Variants in LRMDA observed in about 807,000 individuals in gnomAD.
LRMDA encodes leucine-rich melanocyte differentiation-associated protein.
A neutral mutation model predicts 29.8 loss-of-function variants in LRMDA; 18 were observed. The observed-to-expected ratio is 0.60, with a 90% confidence interval of 0.42 to 0.90. The LOEUF is 0.90. Ranked by LOEUF, LRMDA falls within the 40% of genes least tolerant of loss-of-function variation. The pLI is 0.00. For missense variants in LRMDA, 273 were observed against 273.9 expected (o/e 1.00, Z 0.02); for synonymous variants, 125 against 109.4 (o/e 1.14, Z -0.89).
At chr10:75,830,175 G>A (rs1012662008) in intron 2 of LRMDA, among the ~76,000 whole-genome samples, 1 of 152,150 alleles carries the variant, frequency 6.6e-6, no homozygotes, top group Non-Finnish European at 1.5e-5. Context: ...TTGAGGGGCT[G>A]TTGTGAGCAA....
intron 2 of LRMDA, among the ~76,000 whole-genome samples, chr10:75,662,098 A>C (rs1387473586): frequency 6.6e-6 from 1 of 151,638 alleles, no homozygotes; most frequent in Non-Finnish European, 1.5e-5. Context: ...TTTAAAGGGG[A>C]GGAATTTAGC....
At chr10:76,206,780 G>A (rs1469152112) in intron 5 of LRMDA, among the ~76,000 whole-genome samples, 4 of 152,146 alleles carry the variant, frequency 2.6e-5, no homozygotes, top group African/African-American at 4.8e-5. Flanking sequence ...GCATACCTCC[G>A]ATTGCCCCAG....
rs186985644 is a variant in LRMDA at position 75,753,533 on chromosome 10, A to G, written c.132-282475A>G. On this transcript the variant is annotated intron_variant, in intron 2 of 6. Transcript: ENST00000611255. ...TGTGGGTGGAGGGGACAGCATGTGC[A>G]AAGGCCCCAGGCAAGTGCAAGGAGG... Among the ~76,000 whole-genome samples, 5 of 152,260 alleles carry G rather than the reference A, an allele frequency of 3.3e-5. No homozygotes were observed. In the East Asian group the frequency reaches 7.7e-4, roughly 24 times the overall value.
intron 2 of LRMDA, among the ~76,000 whole-genome samples, chr10:76,019,982 T>C (rs1847943397): frequency 6.6e-6 from 1 of 152,214 alleles, no homozygotes; most frequent in Non-Finnish European, 1.5e-5. Flanking sequence ...CAGTCTGATG[T>C]GGTCACTCCC....
intron 5 of LRMDA, among the ~76,000 whole-genome samples, chr10:76,097,380 A>G (rs532573482): frequency 6.6e-6 from 1 of 152,282 alleles, no homozygotes; most frequent in East Asian, 1.9e-4. Context: ...AATTATTTTT[A>G]TTGCCTTATT....
At chr10:76,003,016 A>G (rs1047727707) in intron 2 of LRMDA, among the ~76,000 whole-genome samples, 1 of 152,206 alleles carries the variant, frequency 6.6e-6, no homozygotes, top group Non-Finnish European at 1.5e-5. Context: ...GGAAATGATG[A>G]GTTTTATAAA....
At chr10:76,003,643 A>AG (rs1231341127) in intron 2 of LRMDA, among the ~76,000 whole-genome samples, 1 of 152,148 alleles carries the variant, frequency 6.6e-6, no homozygotes, top group African/African-American at 2.4e-5. Context: ...TGGTCAGGAG[A>AG]GGCAGCATTA....
intron 5 of LRMDA, among the ~76,000 whole-genome samples, chr10:76,228,364 C>T (rs772993687): frequency 8.6e-5 from 13 of 152,036 alleles, no homozygotes; most frequent in Non-Finnish European, 1.3e-4. Flanking sequence ...TTCCTTGGTG[C>T]CCTCTGCATA....
At chr10:75,859,369 C>T (rs1051099764) in intron 2 of LRMDA, among the ~76,000 whole-genome samples, 1 of 152,112 alleles carries the variant, frequency 6.6e-6, no homozygotes, top group African/African-American at 2.4e-5. Flanking sequence ...GCTGCCCTGC[C>T]CACATTTGGT....
chr10:76,327,829 G>GACAC (rs1427052557), intron 6 of LRMDA, among the ~76,000 whole-genome samples: 1 of 152,176 alleles, frequency 6.6e-6, no homozygotes, highest in Non-Finnish European at 1.5e-5. Context: ...AACCATCAGG[G>GACAC]ATGGGTGTCA....
intron 6 of LRMDA, among the ~76,000 whole-genome samples, chr10:76,348,918 A>T (rs1841141516): frequency 6.6e-6 from 1 of 152,210 alleles, no homozygotes; most frequent in South Asian, 2.1e-4. Flanking sequence ...AGGGTTGCCT[A>T]GGTCAGCATA....
intron 6 of LRMDA, among the ~76,000 whole-genome samples, chr10:76,404,705 G>A (rs950562108): frequency 1.3e-5 from 2 of 152,158 alleles, no homozygotes; most frequent in African/African-American, 4.8e-5. Flanking sequence ...TCATTGAAGC[G>A]TTCCCTTGCC....
chr10:75,979,685 C>T (rs1328594039), intron 2 of LRMDA, among the ~76,000 whole-genome samples: 5 of 152,022 alleles, frequency 3.3e-5, no homozygotes, highest in Non-Finnish European at 7.4e-5. Context: ...ATGTCAAGGA[C>T]CCCTTCATTC....
At chr10:76,164,227 A>G (rs1373577441) in intron 5 of LRMDA, among the ~76,000 whole-genome samples, 2 of 152,162 alleles carry the variant, frequency 1.3e-5, no homozygotes, top group Non-Finnish European at 2.9e-5. Flanking sequence ...TGTTTTTACT[A>G]AAACATTATT....
intron 2 of LRMDA, among the ~76,000 whole-genome samples, chr10:75,706,368 C>T (rs2132173466): frequency 6.6e-6 from 1 of 152,082 alleles, no homozygotes; most frequent in East Asian, 1.9e-4. Context: ...TGATGAGACA[C>T]CATTGTTTTG....
intron 6 of LRMDA, among the ~76,000 whole-genome samples, chr10:76,489,065 T>C (rs1842808777): frequency 6.6e-6 from 1 of 151,964 alleles, no homozygotes. Flanking sequence ...TCTTCCTCTA[T>C]TTTTTGTAAT....
intron 2 of LRMDA, among the ~76,000 whole-genome samples, chr10:75,703,673 G>A (rs1409045374): frequency 6.6e-6 from 1 of 152,206 alleles, no homozygotes; most frequent in Non-Finnish European, 1.5e-5. Context: ...TTACAGCTGG[G>A]TACCTATTAA....
chr10:76,557,366 G>GA lies in LRMDA; in HGVS notation c.*84dup. On this transcript the variant is annotated 3_prime_UTR_variant, in exon 7 of 7. Coordinates refer to ENST00000611255, the MANE Select transcript of LRMDA (RefSeq NM_001305581.2). ...AATCAAAAATAAAGAAAACGCTAAA[G>GA]AAAAAACAATAGCCCACATTGCCTC... 2 of 1,227,472 alleles carry GA rather than the reference G, an allele frequency of 1.6e-6. No individual in the cohort carries two copies. Among genetic ancestry groups the GA allele is most frequent in the Non-Finnish European group, 1.2e-6 (1 of 842,426 alleles). 76.0% of individuals were successfully genotyped at this position (1,227,472 alleles called of 1,614,324 possible). A position where few individuals can be genotyped will look rare whatever the true frequency, so the allele number is the denominator to read the frequency against.
At chr10:75,971,840 C>T (rs139935344) in intron 2 of LRMDA, among the ~76,000 whole-genome samples, 1 of 152,258 alleles carries the variant, frequency 6.6e-6, no homozygotes, top group South Asian at 2.1e-4. Flanking sequence ...GAAAACCCAA[C>T]AAAATGGGAG....
Sources: allele counts gnomAD v4.1 joint callset (sites outside exome capture counted in the v4.1 genomes callset), GRCh38; gene constraint gnomAD v4.1.1; transcripts MANE v1.5; gene names NCBI Gene and HGNC (gene_info 2026-07-23, HGNC 2026-07-21).